CES2: variants seen among roughly 807,000 people sequenced by gnomAD.
The protein encoded by CES2 is cocaine esterase.
In CES2, 42 loss-of-function variants were observed where a neutral mutation model predicts 52.1. That is an observed-to-expected ratio of 0.81 (90% CI 0.63 to 1.04). The LOEUF is 1.04. Ranked by LOEUF, CES2 falls within the 50% of genes least tolerant of loss-of-function variation. The probability of loss-of-function intolerance (pLI) is 0.00; values close to 1 mark genes in which losing one functional copy is unlikely to be tolerated. For missense variants in CES2, 656 were observed against 724.3 expected (o/e 0.91, Z 1.08); for synonymous variants, 277 against 289.6 (o/e 0.96, Z 0.44).
At chr16:66,939,713 A>T (rs1009174268) in intron 3 of CES2, among the ~76,000 whole-genome samples, 6 of 152,194 alleles carry the variant, frequency 3.9e-5, no homozygotes, top group African/African-American at 1.4e-4. Context: ...ACACACAAAA[A>T]CTTTTTTTCT....
chr16:66,935,348 A>G, upstream of CES2: 1 of 1,312,568 alleles, frequency 7.6e-7, no homozygotes, highest in Non-Finnish European at 1.1e-6. Flanking sequence ...GAAGGGCTGC[A>G]GGAATGGCAC....
At chr16:66,937,429 A>G (rs1963239682) in intron 1 of CES2, among the ~76,000 whole-genome samples, 1 of 152,002 alleles carries the variant, frequency 6.6e-6, no homozygotes. Context: ...CTAAACAGTC[A>G]TAAACTCACC....
At chr16:66,939,385 G>C in intron 3 of CES2, 27 bp downstream of exon 3, 1 of 1,612,768 alleles carries the variant, frequency 6.2e-7, no homozygotes, top group Non-Finnish European at 8.5e-7. Flanking sequence ...AGTTCACTGG[G>C]GGTTGGAGGA....
chr16:66,941,067 C>T, intron 5 of CES2, 57 bp from the exon 6 acceptor site: 1 of 1,604,792 alleles, frequency 6.2e-7, no homozygotes. Flanking sequence ...GGGCCTTGGG[C>T]AAACTCCTCT....
rs1369460973 is a variant in CES2 at position 66,939,379 on chromosome 16, C to T, written c.423+21C>T. The T allele has an allele frequency of 1.9e-5, 30 of 1,613,250 alleles. No homozygotes were observed. In the East Asian group the frequency reaches 5.8e-4, roughly 31 times the overall value. On this transcript the variant is annotated intron_variant, in intron 3 of 11. Coordinates refer to ENST00000317091, the MANE Select transcript of CES2 (RefSeq NM_001365405.1). ...TGCCGGTGGGTGTCAGGCCACAGTT[C>T]ACTGGGGGTTGGAGGACAGTTCTTC... is the stretch of plus-strand genomic sequence containing the variant.
chr16:66,936,359 C>CA (rs1463939962), intron 1 of CES2, among the ~76,000 whole-genome samples: 1 of 152,040 alleles, frequency 6.6e-6, no homozygotes, highest in Non-Finnish European at 1.5e-5. Context: ...TCGGAGTGTA[C>CA]AAAAAATTGA....
upstream of CES2, chr16:66,935,381 G>GGAGCCCGGGCAAAGGAAAGTGGCC: frequency 6.6e-7 from 1 of 1,512,808 alleles, no homozygotes; most frequent in South Asian, 1.3e-5. Flanking sequence ...GGATGCCAAA[G>GGAGCCCGGGCAAAGGAAAGTGGCC]GAGCCCGGGC....
In CES2 at chr16:66,941,114, C is replaced by T. The variant is rs371096835; in HGVS notation, c.817-10C>T. ...AAGGATGAGCCAGCCCCTGCCTGGTCCCTTTACAGGTGGTGGCCAACCTGT... is the reference window on the plus strand; with the variant it reads ...AAGGATGAGCCAGCCCCTGCCTGGTTCCTTTACAGGTGGTGGCCAACCTGT... On this transcript the variant is annotated splice_polypyrimidine_tract_variant and intron_variant, in intron 5 of 11. Coordinates refer to ENST00000317091, the MANE Select transcript of CES2 (RefSeq NM_001365405.1). 1.2e-6 allele frequency: 2 copies of T among 1,613,756 alleles called. No individual in the cohort carries two copies. Among genetic ancestry groups the T allele is most frequent in the African/African-American group, 1.3e-5 (1 of 75,062 alleles).
At position 66,935,518 on chromosome 16, in the gene CES2, C is replaced by A. The variant is rs201864369; in HGVS notation, c.-118C>A. ...GCCAGCGCACCCCGCTGACTCCCTG[C>A]CCAGTCCAAACTCCAAGGCTGGGCA... On this transcript the variant is annotated 5_prime_UTR_variant, in exon 1 of 12. Transcript: ENST00000317091. 8 of 1,614,234 alleles carry A rather than the reference C, an allele frequency of 5.0e-6. No individual in the cohort carries two copies. The East Asian group carries it at 1.6e-4, about 31-fold the overall frequency.
chr16:66,935,498 C>A (rs753297280), upstream of CES2: 8 of 1,613,918 alleles, frequency 5.0e-6, no homozygotes, highest in Middle Eastern at 3.3e-4. Context: ...CCCAAGCCAG[C>A]GCACCCCGCT....
At chr16:66,941,952 G>C in intron 8 of CES2, 104 bp downstream of exon 8, 1 of 1,558,900 alleles carries the variant, frequency 6.4e-7, no homozygotes, top group Non-Finnish European at 8.8e-7. Flanking sequence ...TGACCCCCAT[G>C]AGCAAAGGCC....
chr16:66,939,173 G>T, intron 2 of CES2, 44 bp from the exon 3 acceptor site: 1 of 1,602,254 alleles, frequency 6.2e-7, no homozygotes, highest in South Asian at 1.1e-5. Context: ...TCTGGTTTTG[G>T]CCACAGCCTG....
At chr16:66,938,734 T>C (rs1963276759) in intron 2 of CES2, among the ~76,000 whole-genome samples, 1 of 152,184 alleles carries the variant, frequency 6.6e-6, no homozygotes. Context: ...TGTATATGTA[T>C]ATGTATATGT....
At chr16:66,942,490 A>C (rs1963390895) in intron 9 of CES2, 158 bp from the exon 10 acceptor site, 12 of 855,194 alleles carry the variant, frequency 1.4e-5, no homozygotes, top group Non-Finnish European at 1.9e-5. Flanking sequence ...ACAGCAAAGA[A>C]TCGCAAGTCC....
rs568567171 is a variant in CES2 at position 66,941,993 on chromosome 16, T to G, written c.1138-112T>G. 85 of 1,515,128 alleles carry G rather than the reference T, an allele frequency of 5.6e-5. 1 individual carries two copies. The South Asian group carries it at 9.3e-4, about 17-fold the overall frequency. The allele number at this position is 1,515,128 out of a possible 1,614,324, so 93.9% of individuals were successfully genotyped here. On this transcript the variant is annotated intron_variant, in intron 8 of 11. Coordinates refer to ENST00000317091, the MANE Select transcript of CES2 (RefSeq NM_001365405.1). ...GTGTGTGTTTAGGGGTGGGGTCACC[T>G]CAGAGCCTCGCCTTTGCTCCCCCTT...
upstream of CES2, chr16:66,934,494 G>A: frequency 3.7e-6 from 5 of 1,343,298 alleles, no homozygotes; most frequent in Non-Finnish European, 4.9e-6. This position sits in a 1 kb window ranked among gnomAD's most constrained non-coding sequence, Gnocchi z 4.1. Context: ...GTGGGTTCTC[G>A]GCCTGAGGTG....
Position 66,943,268 on chromosome 16 carries a change from A to G in CES2, c.1421-31A>G. The G allele has an allele frequency of 3.1e-6, 5 of 1,610,720 alleles. No homozygotes were observed. The highest frequency in any genetic ancestry group is 4.2e-6 in the Non-Finnish European group (5 of 1,177,168). ...TGGGATGCTGAGGTTGGACATCCTGATGAAGACACATGTCCTCTTCCTCTT... is the reference window on the plus strand; with the variant it reads ...TGGGATGCTGAGGTTGGACATCCTGGTGAAGACACATGTCCTCTTCCTCTT... On this transcript the variant is annotated intron_variant, in intron 10 of 11. Coordinates refer to ENST00000317091, the MANE Select transcript of CES2 (RefSeq NM_001365405.1). This position sits in a 1 kb window ranked among gnomAD's most constrained non-coding sequence, Gnocchi z 4.2.
Position 66,943,602 on chromosome 16 carries a change from G to A in CES2, c.1493+231G>A, listed in dbSNP as rs1963415227. 3 of 579,336 alleles carry A rather than the reference G, an allele frequency of 5.2e-6. No individual in the cohort carries two copies. Among genetic ancestry groups the A allele is most frequent in the Admixed American group, 3.1e-5 (1 of 32,204 alleles). 35.9% of individuals were successfully genotyped at this position (579,336 alleles called of 1,614,324 possible). On this transcript the variant is annotated intron_variant, in intron 11 of 11. Transcript: ENST00000317091. The surrounding 1 kb of genome is among the most constrained non-coding windows in gnomAD (Gnocchi z 4.2). ...GGCGCCAGTGCTGTGCCACCGTCAG[G>A]GCCTCCCTCTCAGAGAGAGGGACAC...
chr16:66,939,084 A>AT, intron 2 of CES2, 133 bp from the exon 3 acceptor site: 1 of 741,624 alleles, frequency 1.3e-6, no homozygotes, highest in Non-Finnish European at 2.2e-6. Context: ...GTGGGAAGGG[A>AT]TTTTTGAGAG....
Sources: gnomAD v4.1 joint callset for allele counts (sites outside exome capture counted in the v4.1 genomes callset) on GRCh38, gnomAD v4.1.1 for gene constraint, Gnocchi (gnomAD v3.1) non-coding constraint, MANE v1.5 for transcripts, NCBI Gene and HGNC (gene_info 2026-07-23, HGNC 2026-07-21) for gene names.